RANBP3: variants seen among roughly 807,000 people sequenced by gnomAD.
RANBP3 encodes the protein RAN binding protein 3.
RANBP3 carries 14 observed loss-of-function variants against 77.3 expected under a neutral mutation model. The ratio of observed to expected loss-of-function variants is 0.18; its 90% CI spans 0.12 to 0.28. The LOEUF (loss-of-function observed/expected upper bound fraction) is 0.28, where lower values mean the gene tolerates loss of function less well. Ranked by LOEUF, RANBP3 falls within the 10% of genes least tolerant of loss-of-function variation. RANBP3 has a pLI of 1.00. For synonymous variants in RANBP3, 315 were observed against 312.4 expected, an observed-to-expected ratio of 1.01 and a Z score of -0.09; for missense variants, 586 against 752.3, an observed-to-expected ratio of 0.78 and a Z score of 2.59.
At chr19:5,964,757 G>A (rs2058443517) in intron 1 of RANBP3, among the ~76,000 whole-genome samples, 1 of 151,332 alleles carries the variant, frequency 6.6e-6, no homozygotes, top group East Asian at 2.0e-4. Flanking sequence ...ACATGCAGTG[G>A]GCCTAGTACT....
At chr19:5,918,016 C>T (rs1012269633) in intron 15 of RANBP3, 36 bp from the exon 16 acceptor site, 20 of 1,538,458 alleles carry the variant, frequency 1.3e-5, no homozygotes, top group Middle Eastern at 1.8e-4. Context: ...CCCCGGACCC[C>T]AGTCCTACCC....
intron 8 of RANBP3, among the ~76,000 whole-genome samples, chr19:5,930,316 C>T (rs2057971987): frequency 6.6e-6 from 1 of 152,250 alleles, no homozygotes; most frequent in Admixed American, 6.5e-5. Flanking sequence ...GCCATTTTCA[C>T]CCTTTGAGCC....
At position 5,933,260 on chromosome 19, in the gene RANBP3, C is replaced by T. The variant is rs528992911; in HGVS notation, c.472+154G>A. On this transcript the variant is annotated intron_variant, in intron 6 of 16. Transcript: ENST00000340578. ...GGTCCCAACCTCCCTGCTCAGACAG[C>T]CTCTCTTTAAAGGAACTTTCCAGGG... The T allele has an allele frequency of 3.9e-5, 23 of 593,472 alleles. No homozygotes were observed. In the South Asian group the frequency reaches 4.6e-4, roughly 12 times the overall value. 36.8% of individuals were successfully genotyped at this position (593,472 alleles called of 1,614,324 possible). A position where few individuals can be genotyped will look rare whatever the true frequency, so the allele number is the denominator to read the frequency against.
chr19:5,974,228 G>A (rs1213687048), intron 1 of RANBP3: 1 of 152,270 alleles, frequency 6.6e-6, no homozygotes, highest in Non-Finnish European at 1.5e-5. Flanking sequence ...CCACACAAAG[G>A]TGAGAGCCCT....
intron 13 of RANBP3, among the ~76,000 whole-genome samples, chr19:5,922,129 G>C (rs2057828879): frequency 6.9e-6 from 1 of 145,710 alleles, no homozygotes; most frequent in Admixed American, 7.3e-5. Flanking sequence ...TTGTACGTTA[G>C]ATTCTGGTGA....
Position 5,921,366 on chromosome 19 carries a change from C to T in RANBP3, c.1210-45G>A, listed in dbSNP as rs778323950. ...GGTAAGCAGGGACCCCAGCTGGTGT[C>T]CTGCTGCAGCCACACCCTGAGAGTC... On this transcript the variant is annotated intron_variant, in intron 13 of 16. Transcript: ENST00000340578. The surrounding 1 kb of genome is among the most constrained non-coding windows in gnomAD (Gnocchi z 5.3). The T allele has an allele frequency of 7.5e-6, 12 of 1,606,580 alleles. No homozygotes were observed. Among genetic ancestry groups the T allele is most frequent in the Middle Eastern group, 1.7e-4 (1 of 6,044 alleles).
In RANBP3 at chr19:5,924,965, T is replaced by G. The variant is rs887613497; in HGVS notation, c.918-60A>C. Reference sequence around the variant, plus strand: ...ACGTGGGAACGTGGCCAGGCAAATGTATGGGTACCCATGGAGCACACACTG... The same window carrying G: ...ACGTGGGAACGTGGCCAGGCAAATGGATGGGTACCCATGGAGCACACACTG... On this transcript the variant is annotated intron_variant, in intron 10 of 16. Coordinates refer to ENST00000340578, the MANE Select transcript of RANBP3 (RefSeq NM_007322.3). This position sits in a 1 kb window ranked among gnomAD's most constrained non-coding sequence, Gnocchi z 4.7. 2 of 1,459,438 alleles carry G rather than the reference T, an allele frequency of 1.4e-6. No individual in the cohort carries two copies. Among genetic ancestry groups the G allele is most frequent in the Non-Finnish European group, 1.9e-6 (2 of 1,039,488 alleles). The allele number at this position is 1,459,438 out of a possible 1,614,324, so 90.4% of individuals were successfully genotyped here. A position where few individuals can be genotyped will look rare whatever the true frequency, so the allele number is the denominator to read the frequency against.
chr19:5,933,707 C>G, intron 5 of RANBP3: 1 of 472,916 alleles, frequency 2.1e-6, no homozygotes, highest in Non-Finnish European at 3.8e-6. Flanking sequence ...CTTGGGCCAG[C>G]TGCTGACCAT....
intron 8 of RANBP3, 47 bp from the exon 9 acceptor site, chr19:5,928,134 C>T (rs1237314182): frequency 6.3e-6 from 10 of 1,587,840 alleles, no homozygotes; most frequent in Non-Finnish European, 8.6e-6. Context: ...CAGTGCCACA[C>T]TTGGCCCAGA....
At chr19:5,925,779 G>A (rs369323689) in intron 9 of RANBP3, 42 bp from the exon 10 acceptor site, 4 of 1,528,350 alleles carry the variant, frequency 2.6e-6, no homozygotes, top group Non-Finnish European at 3.6e-6. Flanking sequence ...GGGTGGGGGG[G>A]TGCCTGGAGT....
At chr19:5,973,783 G>A (rs2145291321) in intron 1 of RANBP3, among the ~76,000 whole-genome samples, 1 of 152,310 alleles carries the variant, frequency 6.6e-6, no homozygotes, top group East Asian at 1.9e-4. Context: ...GCAGAGACTG[G>A]TGCTAAACAA....
rs2057739494 is a variant in RANBP3, at chr19:5,916,483, C to A, written c.*1127G>T. On this transcript the variant is annotated 3_prime_UTR_variant, in exon 17 of 17. Transcript: ENST00000340578. ...TCCTCGGCCTCCCAGGTGGGTGGTG[C>A]AAGCTGGCTCTTGGCCATGCTCCAG... is the stretch of plus-strand genomic sequence containing the variant. 3 of 152,376 alleles carry A rather than the reference C, an allele frequency of 2.0e-5. No individual in the cohort carries two copies. Among genetic ancestry groups the A allele is most frequent in the Admixed American group, 2.0e-4 (3 of 15,292 alleles). The allele number at this position is 152,376 out of a possible 1,614,324, so 9.4% of individuals were successfully genotyped here. A position where few individuals can be genotyped will look rare whatever the true frequency, so the allele number is the denominator to read the frequency against.
At chr19:5,962,761 A>T in intron 1 of RANBP3, 2 of 456,022 alleles carry the variant, frequency 4.4e-6, no homozygotes, top group Non-Finnish European at 8.8e-6. Context: ...CTCAGGCCAA[A>T]GGTTGATCAA....
Position 5,925,690 on chromosome 19 carries a change from G to T in RANBP3, c.861C>A (p.His287Gln), listed in dbSNP as rs1308968151. The T allele has an allele frequency of 1.2e-6, 2 of 1,614,008 alleles. No homozygotes were observed. Among genetic ancestry groups the T allele is most frequent in the Non-Finnish European group, 1.7e-6 (2 of 1,180,014 alleles). The change falls in exon 10 of 17, where the codon CAC becomes CAA. Residue 287 changes from histidine to glutamine, a missense_variant. His to Gln is a conservative substitution (Grantham distance 24). Around this residue, in one of 5 missense-constraint regions of RANBP3, gnomAD observed 232 missense variants for 271.7 expected, o/e 0.85. Coordinates refer to ENST00000340578, the MANE Select transcript of RANBP3 (RefSeq NM_007322.3). ...VDEADMENAG[H>Q]PSADTPTATN... ...TTGCGGTTGGCGTGTCTGCGCTGGG[G>T]TGTCCAGCATTCTCCATGTCGGCTT...
In RANBP3 at chr19:5,931,401, G is replaced by A; in HGVS notation, c.693+3C>T. On this transcript the variant is annotated splice_donor_region_variant and intron_variant, in intron 8 of 16. Transcript: ENST00000340578. Reference sequence around the variant, plus strand: ...GCGCTTCCCTGCCTCAGGACCCACTGACCTCAAGTGCACACACCTCATCGG... The same window carrying A: ...GCGCTTCCCTGCCTCAGGACCCACTAACCTCAAGTGCACACACCTCATCGG... 6.2e-7 allele frequency: 1 copy of A among 1,606,734 alleles called. No homozygotes were observed. Among genetic ancestry groups the A allele is most frequent in the Non-Finnish European group, 8.5e-7 (1 of 1,174,954 alleles).
chr19:5,964,100 C>T (rs1178471669), intron 1 of RANBP3, among the ~76,000 whole-genome samples: 1 of 152,220 alleles, frequency 6.6e-6, no homozygotes, highest in Non-Finnish European at 1.5e-5. Flanking sequence ...TCCCCTGCTA[C>T]CCTCAACCCA....
intron 1 of RANBP3, among the ~76,000 whole-genome samples, chr19:5,968,181 G>A (rs1208148732): frequency 6.6e-6 from 1 of 152,146 alleles, no homozygotes; most frequent in African/African-American, 2.4e-5. Flanking sequence ...GAGACAACAG[G>A]AATCCCCTCC....
intron 1 of RANBP3, among the ~76,000 whole-genome samples, chr19:5,968,360 T>C (rs1171757596): frequency 1.3e-5 from 2 of 152,198 alleles, no homozygotes; most frequent in East Asian, 1.9e-4. Flanking sequence ...ACAATGTACC[T>C]CTGGCACAAT....
chr19:5,926,599 G>T (rs982448245), intron 9 of RANBP3, among the ~76,000 whole-genome samples: 5 of 152,120 alleles, frequency 3.3e-5, no homozygotes, highest in Non-Finnish European at 2.9e-5. Context: ...GGAAGGAGAG[G>T]CTGGGATTTG....
Sources: gnomAD v4.1 joint callset for allele counts (sites outside exome capture counted in the v4.1 genomes callset) on GRCh38, gnomAD v4.1.1 for gene constraint, gnomAD v4.1.1 regional missense constraint, Gnocchi (gnomAD v3.1) non-coding constraint, MANE v1.5 for transcripts, NCBI Gene and HGNC (gene_info 2026-07-23, HGNC 2026-07-21) for gene names.